Variants in ADD1 observed in about 807,000 individuals in gnomAD.
ADD1 encodes the protein adducin 1.
Under a neutral mutation model 80.5 loss-of-function variants are expected in ADD1, and 24 were observed. That is an observed-to-expected ratio of 0.30 (90% CI 0.22 to 0.42). ADD1 has a LOEUF of 0.42. ADD1 is among the 10% of genes least tolerant of loss of function. The pLI, the probability that ADD1 is intolerant of heterozygous loss-of-function variation, is 1.00. For synonymous variants in ADD1, 373 were observed against 393.8 expected (o/e 0.95, Z 0.63); for missense variants, 948 against 1,019.0 (o/e 0.93, Z 0.95).
In ADD1 at chr4:2,879,418, C is replaced by T. The variant is rs568045052; in HGVS notation, c.196-2480C>T. On this transcript the variant is annotated intron_variant, in intron 2 of 15. Coordinates refer to ENST00000683351, the MANE Select transcript of ADD1 (RefSeq NM_001354761.2). ...TTATCAGTATGTATATCCTTAGTGT[C>T]TAAAACAGCGCCTGGTACTTAGTAG... 1.8e-4 allele frequency among the ~76,000 whole-genome samples: 27 copies of T among 152,302 alleles called. 1 individual carries two copies. The highest frequency in any genetic ancestry group is 5.8e-4 in the African/African-American group (24 of 41,570).
chr4:2,863,357 C>T (rs1729089205), intron 1 of ADD1, among the ~76,000 whole-genome samples: 1 of 151,416 alleles, frequency 6.6e-6, no homozygotes, highest in Non-Finnish European at 1.5e-5. Context: ...CTGTACAAGG[C>T]TTTACTTGGA....
chr4:2,873,405 C>T (rs1730761438), intron 1 of ADD1, among the ~76,000 whole-genome samples: 1 of 152,194 alleles, frequency 6.6e-6, no homozygotes, highest in South Asian at 2.1e-4. Context: ...TATGCTTAAT[C>T]TTGATTACTG....
chr4:2,882,108 A>G (rs770419678), intron 3 of ADD1, 48 bp downstream of exon 3: 2 of 1,505,162 alleles, frequency 1.3e-6, no homozygotes, highest in African/African-American at 2.8e-5. Context: ...TTTCAGGTAA[A>G]ATTTCCTGAA....
intron 4 of ADD1, among the ~76,000 whole-genome samples, chr4:2,889,233 G>GT (rs1318307780): frequency 6.6e-6 from 1 of 152,186 alleles, no homozygotes; most frequent in African/African-American, 2.4e-5. Flanking sequence ...GCTCAGCGGG[G>GT]TGGGGGATGG....
At chr4:2,923,468 C>G (rs1053525988) in intron 14 of ADD1, among the ~76,000 whole-genome samples, 2 of 152,242 alleles carry the variant, frequency 1.3e-5, no homozygotes, top group South Asian at 4.1e-4. Context: ...TGGGCTGCAC[C>G]CACTGTCTAA....
rs77282469 is a variant in ADD1, at chr4:2,878,511, A to G, written c.195+2401A>G. Among the ~76,000 whole-genome samples the G allele has an allele frequency of 0.011, 1,608 of 152,206 alleles. 45 individuals are homozygous for G. In the East Asian group the frequency reaches 0.13, roughly 12 times the overall value. ...AGAAGCTAAGTAAAAATGACTCGGG[A>G]TAGTTGAGTCATTTTTGAGTTGAAA... On this transcript the variant is annotated intron_variant, in intron 2 of 15. Coordinates refer to ENST00000683351, the MANE Select transcript of ADD1 (RefSeq NM_001354761.2).
chr4:2,848,071 C>G (rs958859088), intron 1 of ADD1, among the ~76,000 whole-genome samples: 2 of 152,080 alleles, frequency 1.3e-5, no homozygotes, highest in Non-Finnish European at 2.9e-5. Context: ...AAAAATTAGT[C>G]AGGCTTGGTG....
intron 1 of ADD1, among the ~76,000 whole-genome samples, chr4:2,872,574 T>C (rs1577497898): frequency 6.6e-6 from 1 of 152,248 alleles, no homozygotes; most frequent in African/African-American, 2.4e-5. Context: ...ATTTATTTAT[T>C]TGAGTCAGGG....
chr4:2,859,444 C>G (rs549378305), intron 1 of ADD1, among the ~76,000 whole-genome samples: 8 of 151,932 alleles, frequency 5.3e-5, no homozygotes, highest in Non-Finnish European at 7.4e-5. Flanking sequence ...ATAAATACAT[C>G]AAGATCTCAA....
At position 2,843,894 on chromosome 4, in the gene ADD1, G is replaced by A. The variant is rs1234102050; in HGVS notation, c.-151G>A. ...GGCGGTGGGGGCGAGCGGAGGGGCT[G>A]AGGGGCGGAGAGGCCTGGCGGGCCG... On this transcript the variant is annotated 5_prime_UTR_variant, in exon 1 of 16. Coordinates refer to ENST00000683351, the MANE Select transcript of ADD1 (RefSeq NM_001354761.2). 1.3e-5 allele frequency: 2 copies of A among 152,580 alleles called. No homozygotes were observed. Among genetic ancestry groups the A allele is most frequent in the African/African-American group, 4.8e-5 (2 of 41,386 alleles). 9.5% of individuals were successfully genotyped at this position (152,580 alleles called of 1,614,324 possible). A position where few individuals can be genotyped will look rare whatever the true frequency, so the allele number is the denominator to read the frequency against.
rs181876337 is a variant in ADD1, at chr4:2,926,249, C to G, written c.2047+137C>G. ...ATCAGCGCCAGGACGTGACACCTTT[C>G]TCCTCCTATATTGCTTCTGTCCTGG... On this transcript the variant is annotated intron_variant, in intron 15 of 15. Coordinates refer to ENST00000683351, the MANE Select transcript of ADD1 (RefSeq NM_001354761.2). The surrounding 1 kb of genome is among the most constrained non-coding windows in gnomAD (Gnocchi z 5.0). 15 of 794,460 alleles carry G rather than the reference C, an allele frequency of 1.9e-5. No homozygotes were observed. In the Middle Eastern group the frequency reaches 8.9e-4, roughly 47 times the overall value. 49.2% of individuals were successfully genotyped at this position (794,460 alleles called of 1,614,324 possible). A position where few individuals can be genotyped will look rare whatever the true frequency, so the allele number is the denominator to read the frequency against.
intron 15 of ADD1, among the ~76,000 whole-genome samples, chr4:2,927,356 A>C (rs1450572635): frequency 6.6e-6 from 1 of 152,142 alleles, no homozygotes; most frequent in Non-Finnish European, 1.5e-5. Flanking sequence ...AAGCACTGAG[A>C]GTTTGGGGCC....
chr4:2,905,176 G>T, intron 10 of ADD1, 68 bp downstream of exon 10: 1 of 1,494,344 alleles, frequency 6.7e-7, no homozygotes, highest in Non-Finnish European at 9.2e-7. Flanking sequence ...GGCTTCGGAG[G>T]CTTTGGGAAT....
At chr4:2,917,459 A>T (rs1398076852) in intron 14 of ADD1, among the ~76,000 whole-genome samples, 1 of 151,892 alleles carries the variant, frequency 6.6e-6, no homozygotes, top group African/African-American at 2.4e-5. Flanking sequence ...GATTGCAAAA[A>T]TTTTCTCCCA....
chr4:2,861,824 T>G (rs981250658), intron 1 of ADD1, among the ~76,000 whole-genome samples: 7 of 152,280 alleles, frequency 4.6e-5, no homozygotes, highest in Admixed American at 1.3e-4. Context: ...CCTGGATCAG[T>G]GTGATCCTTT....
chr4:2,924,620 G>A (rs1021429240), intron 14 of ADD1, among the ~76,000 whole-genome samples: 1 of 152,198 alleles, frequency 6.6e-6, no homozygotes, highest in Non-Finnish European at 1.5e-5. Context: ...CCTCTTCACC[G>A]GTTTTTGTCT....
chr4:2,928,611 G>A lies in ADD1; in HGVS notation c.*88G>A. On this transcript the variant is annotated 3_prime_UTR_variant, in exon 16 of 16. Transcript: ENST00000683351. ...GTCTGTGCTCTGTCCTTGTGTAATG[G>A]AATGCAAAAAAGCCAAGCCCTCCGC... 1.4e-6 allele frequency: 2 copies of A among 1,449,464 alleles called. No individual in the cohort carries two copies. The highest frequency in any genetic ancestry group is 1.9e-6 in the Non-Finnish European group (2 of 1,059,102). The allele number at this position is 1,449,464 out of a possible 1,614,324, so 89.8% of individuals were successfully genotyped here.
chr4:2,923,798 G>T (rs1194814524), intron 14 of ADD1, among the ~76,000 whole-genome samples: 1 of 152,226 alleles, frequency 6.6e-6, no homozygotes, highest in African/African-American at 2.4e-5. Flanking sequence ...ATTTTCCCCC[G>T]GCTGGAGCAG....
intron 1 of ADD1, among the ~76,000 whole-genome samples, chr4:2,862,216 G>A (rs1232975485): frequency 6.6e-6 from 1 of 152,226 alleles, no homozygotes; most frequent in Non-Finnish European, 1.5e-5. Flanking sequence ...ACTCCTGAAA[G>A]TGGGAGCAGC....
Sources: gnomAD v4.1 joint callset for allele counts (sites outside exome capture counted in the v4.1 genomes callset) on GRCh38, gnomAD v4.1.1 for gene constraint, Gnocchi (gnomAD v3.1) non-coding constraint, MANE v1.5 for transcripts, NCBI Gene and HGNC (gene_info 2026-07-23, HGNC 2026-07-21) for gene names.